Variants in EPHA8 observed in about 807,000 individuals in gnomAD.
EPHA8 encodes the protein EPH receptor A8.
In EPHA8, 58 loss-of-function variants were observed where a neutral mutation model predicts 103.6. The ratio of observed to expected loss-of-function variants is 0.56; its 90% confidence interval spans 0.45 to 0.70. EPHA8 has a LOEUF of 0.70. Among genes scored for constraint, EPHA8 ranks in the 30% least tolerant of loss-of-function variants. EPHA8 has a pLI of 0.00. For missense variants in EPHA8, 1,304 were observed against 1,395.2 expected (o/e 0.93, Z 1.04); for synonymous variants, 559 against 572.5 (o/e 0.98, Z 0.34).
chr1:22,596,009 G>A, intron 8 of EPHA8, 97 bp from the exon 9 acceptor site: 1 of 1,102,404 alleles, frequency 9.1e-7, no homozygotes, highest in Non-Finnish European at 1.4e-6. Context: ...CAGGGGAAGG[G>A]GCATGAAGAG....
Position 22,586,473 on chromosome 1 carries a change from T to G in EPHA8, c.824-7T>G. On this transcript the variant is annotated splice_region_variant and splice_polypyrimidine_tract_variant and intron_variant, in intron 3 of 16. Coordinates refer to ENST00000166244, the MANE Select transcript of EPHA8 (RefSeq NM_020526.5). Reference sequence around the variant, plus strand: ...TGGCTCATGTGCAGCCGCCTTCTCCTCCACAGCCTGTGAGCTGGGCTTCTA... The same window carrying G: ...TGGCTCATGTGCAGCCGCCTTCTCCGCCACAGCCTGTGAGCTGGGCTTCTA... 3 of 1,612,808 alleles carry G rather than the reference T, an allele frequency of 1.9e-6. No homozygotes were observed. The highest frequency in any genetic ancestry group is 2.5e-6 in the Non-Finnish European group (3 of 1,179,500).
At chr1:22,594,842 G>A (rs1641473133) in intron 7 of EPHA8, among the ~76,000 whole-genome samples, 2 of 152,194 alleles carry the variant, frequency 1.3e-5, no homozygotes, top group South Asian at 4.1e-4. Flanking sequence ...GGTCTCTCTG[G>A]AAGGGACGTG....
At position 22,598,016 on chromosome 1, in the gene EPHA8, C is replaced by T; in HGVS notation, c.2117-135C>T. On this transcript the variant is annotated intron_variant, in intron 11 of 16. Coordinates refer to ENST00000166244, the MANE Select transcript of EPHA8 (RefSeq NM_020526.5). The surrounding 1 kb of genome is among the most constrained non-coding windows in gnomAD (Gnocchi z 5.1). Reference sequence around the variant, plus strand: ...ACTCGGGGTGCCCAGAGCCTGGGACCCCAGTGGAAACCCAAGGCACCCTGG... The same window carrying T: ...ACTCGGGGTGCCCAGAGCCTGGGACTCCAGTGGAAACCCAAGGCACCCTGG... 4 of 1,419,316 alleles carry T rather than the reference C, an allele frequency of 2.8e-6. No individual in the cohort carries two copies. The highest frequency in any genetic ancestry group is 3.9e-6 in the Non-Finnish European group (4 of 1,018,420). 87.9% of individuals were successfully genotyped at this position (1,419,316 alleles called of 1,614,324 possible).
At chr1:22,580,104 G>A (rs912304398) in intron 3 of EPHA8, among the ~76,000 whole-genome samples, 1 of 149,940 alleles carries the variant, frequency 6.7e-6, no homozygotes, top group African/African-American at 2.5e-5. Context: ...CTTCCCGGAG[G>A]CTCTCTGGTT....
chr1:22,577,306 T>C lies in EPHA8; in HGVS notation c.823+426T>C, dbSNP rs1379068367. 2.0e-5 allele frequency among the ~76,000 whole-genome samples: 3 copies of C among 152,310 alleles called. 1 individual carries two copies. Among genetic ancestry groups the C allele is most frequent in the South Asian group, 4.1e-4 (2 of 4,826 alleles). On this transcript the variant is annotated intron_variant, in intron 3 of 16. Coordinates refer to ENST00000166244, the MANE Select transcript of EPHA8 (RefSeq NM_020526.5). Reference sequence around the variant, plus strand: ...CACTACACTATGACGTAGGAACTACTGTTATCCTGGTTTTATAGATGAGGA... The same window carrying C: ...CACTACACTATGACGTAGGAACTACCGTTATCCTGGTTTTATAGATGAGGA...
Position 22,601,428 on chromosome 1 carries a change from C to T in EPHA8, c.2858C>T (p.Ala953Val), listed in dbSNP as rs369076646. The T allele has an allele frequency of 3.0e-5, 49 of 1,610,590 alleles. No individual in the cohort carries two copies. Among genetic ancestry groups the T allele is most frequent in the Middle Eastern group, 3.3e-4 (2 of 6,080 alleles). ...RMGRYRDHFA[A>V]GGYSSLGMVL... is the part of the protein sequence containing the mutation. ...GGCCGGTACCGAGACCACTTCGCTG[C>T]GGGCGGATACTCCTCTCTGGGCATG... Residue 953 changes from alanine to valine, a missense_variant, in exon 16 of 17, where the codon GCG (alanine) becomes GTG (valine). Coordinates refer to ENST00000166244, the MANE Select transcript of EPHA8 (RefSeq NM_020526.5).
At chr1:22,571,117 A>G (rs1484017244) in intron 2 of EPHA8, among the ~76,000 whole-genome samples, 2 of 152,074 alleles carry the variant, frequency 1.3e-5, no homozygotes, top group East Asian at 3.9e-4. Context: ...GTAGTGAGGA[A>G]TTGTCAGGGT....
At chr1:22,590,773 C>G (rs563033078) in intron 5 of EPHA8, among the ~76,000 whole-genome samples, 33 of 152,204 alleles carry the variant, frequency 2.2e-4, no homozygotes, top group African/African-American at 8.0e-4. Flanking sequence ...GTGCTAACAA[C>G]CCCCAACTCG....
At position 22,570,643 on chromosome 1, in the gene EPHA8, T is replaced by TG. The variant is rs535163783; in HGVS notation, c.159+1295dup. 4.8e-4 allele frequency among the ~76,000 whole-genome samples: 67 copies of TG among 138,680 alleles called. No homozygotes were observed. In the Middle Eastern group the frequency reaches 0.014, roughly 30 times the overall value. 91.0% of individuals were successfully genotyped at this position (138,680 alleles called of 152,430 possible). On this transcript the variant is annotated intron_variant, in intron 2 of 16. Transcript: ENST00000166244. ...AGACACGGCCCCACTTCTCTCTCTCTGGGGGTCTGGTCACCAGGCAGCGGT... is the reference window on the plus strand; with the variant it reads ...AGACACGGCCCCACTTCTCTCTCTCTGGGGGGTCTGGTCACCAGGCAGCGGT...
Position 22,600,688 on chromosome 1 carries a change from GC to G in EPHA8, c.2420del (p.Pro807GlnfsTer36). On this transcript the variant is annotated frameshift_variant, in exon 14 of 17. Coordinates refer to ENST00000166244, the MANE Select transcript of EPHA8 (RefSeq NM_020526.5). LOFTEE classifies it high-confidence loss of function. ...CGGGAAGATCCCCATCCGCTGGACG[GC>G]CCCAGAGGCCATCGCCTTCCGCACC... The part of the protein sequence containing the change: ...TGGKIPIRWT[A>X]PEAIAFRTFS... 6.2e-7 allele frequency: 1 copy of G among 1,613,494 alleles called. No individual in the cohort carries two copies. Among genetic ancestry groups the G allele is most frequent in the Non-Finnish European group, 8.5e-7 (1 of 1,179,840 alleles).
intron 3 of EPHA8, among the ~76,000 whole-genome samples, chr1:22,578,983 GTA>G (rs371429374): frequency 2.6e-4 from 38 of 146,576 alleles, no homozygotes; most frequent in East Asian, 6.8e-4. Context: ...GTGTGTGAGT[GTA>G]TGTGTGCATG....
At chr1:22,583,212 C>T (rs571123832) in intron 3 of EPHA8, among the ~76,000 whole-genome samples, 1 of 152,372 alleles carries the variant, frequency 6.6e-6, no homozygotes, top group African/African-American at 2.4e-5. Context: ...GGCCGGGCCC[C>T]AGCCCAGAGC....
intron 15 of EPHA8, 54 bp from the exon 16 acceptor site, chr1:22,601,246 G>A: frequency 1.3e-6 from 2 of 1,552,930 alleles, no homozygotes. Flanking sequence ...GCTTCTTCTG[G>A]GGGTCCAGCC....
At chr1:22,590,956 C>G (rs181669962) in intron 5 of EPHA8, among the ~76,000 whole-genome samples, 13 of 152,090 alleles carry the variant, frequency 8.5e-5, no homozygotes, top group Middle Eastern at 3.4e-3. Flanking sequence ...TCCATCCCCC[C>G]CTAAAGCCCC....
At chr1:22,583,967 T>C (rs905240396) in intron 3 of EPHA8, among the ~76,000 whole-genome samples, 12 of 152,230 alleles carry the variant, frequency 7.9e-5, no homozygotes, top group Admixed American at 7.8e-4. Flanking sequence ...GCCCAGCTCT[T>C]ACTTCTCTTG....
chr1:22,584,061 G>A lies in EPHA8; in HGVS notation c.824-2419G>A, dbSNP rs114338519. On this transcript the variant is annotated intron_variant, in intron 3 of 16. Coordinates refer to ENST00000166244, the MANE Select transcript of EPHA8 (RefSeq NM_020526.5). ...GCAAATGGTCTCTGAGATGCTAATC[G>A]TTGTGGATTGGATCATTACAGTGAG... Among the ~76,000 whole-genome samples the A allele has an allele frequency of 8.2e-3, 1,252 of 152,356 alleles. 11 individuals carry two copies. The highest frequency in any genetic ancestry group is 0.028 in the African/African-American group (1,175 of 41,576).
chr1:22,578,207 TGTGTGC>T (rs1395839585), intron 3 of EPHA8, among the ~76,000 whole-genome samples: 3 of 124,446 alleles, frequency 2.4e-5, no homozygotes, highest in Admixed American at 8.5e-5. Context: ...TGCGTGCGAG[TGTGTGC>T]GTGTGAGTGT....
rs770640699 is a variant in EPHA8, at chr1:22,597,795, G to A, written c.2050G>A (p.Glu684Lys). 12 of 1,613,026 alleles carry A rather than the reference G, an allele frequency of 7.4e-6. No individual in the cohort carries two copies. Among genetic ancestry groups the A allele is most frequent in the African/African-American group, 4.0e-5 (3 of 74,912 alleles). ...TERQRRDFLS[E>K]ASIMGQFDHP... is the part of the protein sequence containing the mutation. ...GAGACAGAGGCGGGACTTCCTGAGC[G>A]AGGCGTCCATCATGGGGCAATTCGA... The change falls in exon 11 of 17, where the codon GAG (glutamate) becomes AAG (lysine). Residue 684 changes from glutamate to lysine, a missense_variant. Transcript: ENST00000166244. The surrounding 1 kb of genome is among the most constrained non-coding windows in gnomAD (Gnocchi z 4.6).
intron 7 of EPHA8, 132 bp downstream of exon 7, chr1:22,593,818 C>T: frequency 8.8e-7 from 1 of 1,135,906 alleles, no homozygotes; most frequent in Non-Finnish European, 1.2e-6. Context: ...CCTTGCCCTA[C>T]CAAGTGGGGT....
Sources: gnomAD v4.1 joint callset for allele counts (sites outside exome capture counted in the v4.1 genomes callset) on GRCh38, gnomAD v4.1.1 for gene constraint, Gnocchi (gnomAD v3.1) non-coding constraint, MANE v1.5 for transcripts, NCBI Gene and HGNC (gene_info 2026-07-23, HGNC 2026-07-21) for gene names.